Variants in MFF observed in about 807,000 individuals in gnomAD.
MFF encodes the protein mitochondrial fission factor.
MFF carries 12 observed loss-of-function variants against 36.9 expected under a neutral mutation model. The observed-to-expected ratio is 0.33, with a 90% CI of 0.21 to 0.53. MFF has a LOEUF of 0.53. MFF is among the 20% of genes least tolerant of loss of function. The pLI is 0.95. For synonymous variants in MFF, 99 were observed against 126.2 expected, an observed-to-expected ratio of 0.78 and a Z score of 1.44; for missense variants, 348 against 366.6, an observed-to-expected ratio of 0.95 and a Z score of 0.42.
At position 227,347,338 on chromosome 2, in the gene MFF, C is replaced by G; in HGVS notation, c.553C>G (p.Arg185Gly). Residue 185 changes from arginine to glycine, a missense_variant, in exon 6 of 9, where the codon CGT (arginine) becomes GGT (glycine). Arg to Gly is a moderately radical substitution (Grantham distance 125). Coordinates refer to ENST00000304593, the MANE Select transcript of MFF (RefSeq NM_001277062.2). ...TTTGTCGCTTATCCAGTCTTCTACTCGTAGGGCATACCAGCAGATCTTGGA... is the reference window on the plus strand; with the variant it reads ...TTTGTCGCTTATCCAGTCTTCTACTGGTAGGGCATACCAGCAGATCTTGGA... ...GILSLIQSST[R>G]RAYQQILDVL... The G allele has an allele frequency of 1.2e-6, 2 of 1,613,698 alleles. No individual in the cohort carries two copies. Among genetic ancestry groups the G allele is most frequent in the Non-Finnish European group, 1.7e-6 (2 of 1,179,710 alleles).
intron 6 of MFF, among the ~76,000 whole-genome samples, chr2:227,351,501 CT>C (rs5839209): frequency 0.11 from 16,589 of 152,136 alleles, 1,049 homozygotes; most frequent in Non-Finnish European, 0.15. Context: ...TGTCTTGATA[CT>C]TAAATTCAGG....
At chr2:227,355,823 T>C (rs2052656325) in intron 8 of MFF, 62 bp downstream of exon 8, 4 of 1,004,814 alleles carry the variant, frequency 4.0e-6, no homozygotes, top group South Asian at 1.4e-5. Flanking sequence ...TTTAAAGTGA[T>C]AGTTCTCAAC....
At chr2:227,349,179 A>C (rs940665975) in intron 6 of MFF, among the ~76,000 whole-genome samples, 1 of 145,846 alleles carries the variant, frequency 6.9e-6, no homozygotes. Flanking sequence ...CCCAAAAAGT[A>C]AAAAAAGAAA....
At position 227,352,722 on chromosome 2, in the gene MFF, A is replaced by C; in HGVS notation, c.659+149A>C. On this transcript the variant is annotated intron_variant, in intron 7 of 8. Transcript: ENST00000304593. Reference sequence around the variant, plus strand: ...GATGAGTACATCTTGCTTCTCTCTAAGAACAGTGAATAATCAGTCATGACA... The same window carrying C: ...GATGAGTACATCTTGCTTCTCTCTACGAACAGTGAATAATCAGTCATGACA... The C allele has an allele frequency of 4.4e-6, 3 of 681,544 alleles. No homozygotes were observed. The South Asian group carries it at 5.0e-5, about 11-fold the overall frequency. 42.2% of individuals were successfully genotyped at this position (681,544 alleles called of 1,614,324 possible).
chr2:227,356,990 T>G lies in MFF; in HGVS notation c.749T>G (p.Ile250Ser), dbSNP rs1278600625. 1 of 1,609,226 alleles carries G rather than the reference T, an allele frequency of 6.2e-7. No individual in the cohort carries two copies. The highest frequency in any genetic ancestry group is 1.3e-5 in the African/African-American group (1 of 74,714). The change falls in exon 9 of 9, where the codon ATC becomes AGC. Residue 250 changes from isoleucine to serine, a missense_variant. Physicochemically the swap from Ile to Ser is moderately radical, Grantham distance 142 (BLOSUM62 -2). Coordinates refer to ENST00000304593, the MANE Select transcript of MFF (RefSeq NM_001277062.2). ...VDAASLRRQI[I>S]KLNRRLQLLE... ...GTGTGTTTGTTTTTCACTTAGATAA[T>G]CAAACTAAATAGACGTCTACAACTT... is the stretch of plus-strand genomic sequence containing the variant.
At chr2:227,343,122 A>G (rs913949997) in intron 5 of MFF, among the ~76,000 whole-genome samples, 4 of 152,082 alleles carry the variant, frequency 2.6e-5, no homozygotes, top group Non-Finnish European at 5.9e-5. Flanking sequence ...TTTGGTTGGT[A>G]TAATAGTTCT....
chr2:227,354,511 G>A (rs1448503737), intron 7 of MFF, among the ~76,000 whole-genome samples: 14 of 152,110 alleles, frequency 9.2e-5, no homozygotes. Context: ...TACATGTGAG[G>A]TGAATTATGT....
chr2:227,348,964 T>C (rs2075851055), intron 6 of MFF, among the ~76,000 whole-genome samples: 1 of 152,142 alleles, frequency 6.6e-6, no homozygotes, highest in Non-Finnish European at 1.5e-5. Context: ...CTTCCCTCCT[T>C]AAAACAGATT....
At chr2:227,328,307 A>C (rs894035768) in intron 1 of MFF, among the ~76,000 whole-genome samples, 19 of 146,866 alleles carry the variant, frequency 1.3e-4, no homozygotes, top group African/African-American at 4.3e-4. Context: ...AAAAAAAAAA[A>C]AAAAAAAAAA....
At chr2:227,339,661 G>A (rs2075276539) in intron 4 of MFF, among the ~76,000 whole-genome samples, 1 of 152,210 alleles carries the variant, frequency 6.6e-6, no homozygotes, top group South Asian at 2.1e-4. Context: ...AGCCTCAGAA[G>A]TCACTTTGCA....
rs1559997604 is a variant in MFF, at chr2:227,357,512, T to C, written c.*395T>C. 1.2e-5 allele frequency: 2 copies of C among 161,760 alleles called. No homozygotes were observed. The highest frequency in any genetic ancestry group is 4.8e-5 in the African/African-American group (2 of 41,912). 10.0% of individuals were successfully genotyped at this position (161,760 alleles called of 1,614,324 possible). On this transcript the variant is annotated 3_prime_UTR_variant, in exon 9 of 9. Coordinates refer to ENST00000304593, the MANE Select transcript of MFF (RefSeq NM_001277062.2). ...AAAAACAATTATTTTGTCCTGTTTC[T>C]CAAACAGTGTTAAGCAGTTTTGTTA...
At chr2:227,354,703 C>T (rs2106468767) in intron 7 of MFF, among the ~76,000 whole-genome samples, 1 of 150,220 alleles carries the variant, frequency 6.7e-6, no homozygotes, top group South Asian at 2.1e-4. Context: ...TTTTAATATG[C>T]TTTCTCTGGA....
At chr2:227,350,244 A>G (rs1021471595) in intron 6 of MFF, among the ~76,000 whole-genome samples, 4 of 152,166 alleles carry the variant, frequency 2.6e-5, no homozygotes, top group South Asian at 4.1e-4. Flanking sequence ...GCTCAGGTGC[A>G]GCAGAAATTA....
intron 4 of MFF, among the ~76,000 whole-genome samples, chr2:227,338,902 T>G (rs1170380186): frequency 1.3e-5 from 2 of 151,784 alleles, no homozygotes; most frequent in Non-Finnish European, 2.9e-5. Context: ...TTTGTTTGTT[T>G]TGTTTTTTTT....
chr2:227,344,614 T>G (rs1387188749), intron 5 of MFF, among the ~76,000 whole-genome samples: 1 of 152,264 alleles, frequency 6.6e-6, no homozygotes, highest in African/African-American at 2.4e-5. Flanking sequence ...CTCTAATTAC[T>G]AATGTAGTTT....
At position 227,334,919 on chromosome 2, in the gene MFF, AG is replaced by A. The variant is rs1452972281; in HGVS notation, c.351+2332del. 3.3e-5 allele frequency among the ~76,000 whole-genome samples: 5 copies of A among 152,318 alleles called. No homozygotes were observed. The South Asian group carries it at 8.3e-4, about 25-fold the overall frequency. ...TGCGGTGGCTCATGCCTGCAATCCC[AG>A]CACTTTGGGAGGCTGAGGTGGGCAG... On this transcript the variant is annotated intron_variant, in intron 4 of 8. Coordinates refer to ENST00000304593, the MANE Select transcript of MFF (RefSeq NM_001277062.2).
At chr2:227,354,074 GT>G (rs1302308431) in intron 7 of MFF, among the ~76,000 whole-genome samples, 1 of 152,144 alleles carries the variant, frequency 6.6e-6, no homozygotes, top group South Asian at 2.1e-4. Flanking sequence ...GCTCCAGGTT[GT>G]TTACTGTGTT....
At chr2:227,347,801 G>A (rs1256467334) in intron 6 of MFF, among the ~76,000 whole-genome samples, 1 of 152,234 alleles carries the variant, frequency 6.6e-6, no homozygotes, top group Non-Finnish European at 1.5e-5. Context: ...CTGAGGAGGT[G>A]ATGTCAGCGC....
intron 2 of MFF, chr2:227,330,210 A>G (rs2074470903): frequency 1.1e-5 from 2 of 174,396 alleles, no homozygotes; most frequent in African/African-American, 4.7e-5. Flanking sequence ...TTCATGCATG[A>G]CAGTAATTTT....
Sources: allele counts gnomAD v4.1 joint callset (sites outside exome capture counted in the v4.1 genomes callset), GRCh38; gene constraint gnomAD v4.1.1; transcripts MANE v1.5; gene names NCBI Gene and HGNC (gene_info 2026-07-23, HGNC 2026-07-21).